Variants in CDH12 observed in about 807,000 individuals in gnomAD.
CDH12 encodes the protein cadherin-12.
In CDH12, 41 loss-of-function variants were observed where a neutral mutation model predicts 74.1. The observed-to-expected ratio is 0.55, with a 90% CI of 0.43 to 0.72. The LOEUF is 0.72. Ranked by LOEUF, CDH12 falls within the 30% of genes least tolerant of loss-of-function variation. The probability of loss-of-function intolerance (pLI) is 0.00; values close to 1 mark genes in which losing one functional copy is unlikely to be tolerated. For missense variants in CDH12, 945 were observed against 977.2 expected, an observed-to-expected ratio of 0.97 and a Z score of 0.44; for synonymous variants, 399 against 355.0, an observed-to-expected ratio of 1.12 and a Z score of -1.39.
At chr5:22,486,735 G>A (rs371450225) in intron 2 of CDH12, among the ~76,000 whole-genome samples, 13 of 152,224 alleles carry the variant, frequency 8.5e-5, no homozygotes, top group East Asian at 5.8e-4. Context: ...TTACAGGCAT[G>A]AGCCACTGTG....
chr5:22,410,177 T>A (rs1743116902), intron 2 of CDH12, among the ~76,000 whole-genome samples: 1 of 152,042 alleles, frequency 6.6e-6, no homozygotes, highest in South Asian at 2.1e-4. Flanking sequence ...CCTGCCCTCC[T>A]GTCTCTCAGT....
intron 3 of CDH12, among the ~76,000 whole-genome samples, chr5:22,386,390 C>G (rs1214376662): frequency 6.6e-6 from 1 of 152,188 alleles, no homozygotes; most frequent in Non-Finnish European, 1.5e-5. Context: ...AAATTCTCCC[C>G]TAACTTCTTT....
intron 1 of CDH12, among the ~76,000 whole-genome samples, chr5:22,643,733 CTT>C (rs762944279): frequency 7.2e-4 from 37 of 51,204 alleles, no homozygotes; most frequent in African/African-American, 1.3e-3. Context: ...TTTAAGGTAT[CTT>C]TTTTTTTTTT....
At chr5:22,694,109 T>A (rs984431151) in intron 1 of CDH12, among the ~76,000 whole-genome samples, 8 of 152,072 alleles carry the variant, frequency 5.3e-5, no homozygotes, top group Non-Finnish European at 1.2e-4. Flanking sequence ...CAGCTAATTT[T>A]AAATTTTTTT....
At chr5:22,370,152 C>A (rs575035312) in intron 3 of CDH12, among the ~76,000 whole-genome samples, 68 of 152,202 alleles carry the variant, frequency 4.5e-4, no homozygotes, top group African/African-American at 1.6e-3. Flanking sequence ...ATAAAGTGTG[C>A]TTATATATTG....
At chr5:22,345,279 T>C (rs1322190346) in intron 3 of CDH12, among the ~76,000 whole-genome samples, 1 of 152,198 alleles carries the variant, frequency 6.6e-6, no homozygotes, top group African/African-American at 2.4e-5. Context: ...CTACAGTTCT[T>C]TTTTACAGAA....
chr5:22,307,943 C>T (rs376521194), intron 3 of CDH12, among the ~76,000 whole-genome samples: 1,321 of 128,744 alleles, frequency 0.01, 22 homozygotes, highest in African/African-American at 0.036. Flanking sequence ...TGCAGTGGCG[C>T]GATCTCGGCT....
At chr5:22,115,912 G>C (rs1051348211) in intron 4 of CDH12, among the ~76,000 whole-genome samples, 1 of 151,912 alleles carries the variant, frequency 6.6e-6, no homozygotes, top group South Asian at 2.1e-4. Context: ...GGATGGTCTC[G>C]ATCTCTTGAC....
chr5:21,781,407 C>A (rs117932978), intron 11 of CDH12, among the ~76,000 whole-genome samples: 1 of 152,208 alleles, frequency 6.6e-6, no homozygotes, highest in African/African-American at 2.4e-5. Context: ...GTCTTTACTG[C>A]CATTCCATTT....
intron 2 of CDH12, among the ~76,000 whole-genome samples, chr5:22,483,770 A>ATATATATATATATATAT (rs1400461763): frequency 2.4e-3 from 239 of 100,928 alleles, no homozygotes; most frequent in Non-Finnish European, 2.9e-3. Flanking sequence ...ATATAAATTT[A>ATATATATATATATATAT]ATTAATTGGG....
chr5:22,846,622 A>G (rs1318723476), intron 1 of CDH12, among the ~76,000 whole-genome samples: 1 of 152,212 alleles, frequency 6.6e-6, no homozygotes, highest in Non-Finnish European at 1.5e-5. Flanking sequence ...TTGAATTTTG[A>G]TGGATACTGT....
intron 8 of CDH12, among the ~76,000 whole-genome samples, chr5:21,829,855 T>C (rs1748903804): frequency 6.6e-6 from 1 of 152,162 alleles, no homozygotes; most frequent in Admixed American, 6.5e-5. Flanking sequence ...TGGCTAAGTA[T>C]ATCCATTCTC....
Position 22,303,325 on chromosome 5 carries a change from T to C in CDH12, c.-332-90682A>G, listed in dbSNP as rs185004960. Among the ~76,000 whole-genome samples, 418 of 152,236 alleles carry C rather than the reference T, an allele frequency of 2.7e-3. 3 individuals carry two copies. Among genetic ancestry groups the C allele is most frequent in the Non-Finnish European group, 4.0e-3 (272 of 67,968 alleles). ...AATAAAAACATGTCACATTAGTTTA[T>C]TGTTTAGGTTTAAATTAAATAGCTT... On this transcript the variant is annotated intron_variant, in intron 3 of 14. Coordinates refer to ENST00000382254, the MANE Select transcript of CDH12 (RefSeq NM_004061.5).
chr5:21,880,591 CCTTCCTTCCTTCCTT>C (rs1561268178), intron 6 of CDH12, among the ~76,000 whole-genome samples: 4 of 52,512 alleles, frequency 7.6e-5, no homozygotes, highest in Admixed American at 2.5e-4. Flanking sequence ...TTCCTTCCTT[CCTTCCTTCCTTCCTT>C]CCTTCCTTCC....
chr5:22,364,947 C>T (rs1261811812), intron 3 of CDH12, among the ~76,000 whole-genome samples: 3 of 152,114 alleles, frequency 2.0e-5, no homozygotes, highest in Non-Finnish European at 2.9e-5. Context: ...AGAAAGACAG[C>T]AACAATAGAA....
At chr5:22,513,024 G>A (rs936644496) in intron 1 of CDH12, among the ~76,000 whole-genome samples, 5 of 152,154 alleles carry the variant, frequency 3.3e-5, no homozygotes, top group African/African-American at 1.2e-4. Context: ...ACAACAGGGC[G>A]AGACGCTGTC....
intron 11 of CDH12, among the ~76,000 whole-genome samples, chr5:21,767,088 T>C (rs1318315135): frequency 6.6e-6 from 1 of 151,890 alleles, no homozygotes; most frequent in Non-Finnish European, 1.5e-5. Context: ...TTTATAAAGT[T>C]TAGTAAATGA....
At chr5:22,654,054 C>T in intron 1 of CDH12, among the ~76,000 whole-genome samples, 1 of 146,962 alleles carries the variant, frequency 6.8e-6, no homozygotes, top group East Asian at 2.1e-4. Context: ...TTCCTTCCTT[C>T]CCTGTCCTTC....
chr5:22,244,784 GAAAGAA>G (rs1264260893), intron 3 of CDH12, among the ~76,000 whole-genome samples: 5 of 123,162 alleles, frequency 4.1e-5, no homozygotes, highest in Non-Finnish European at 5.5e-5. Flanking sequence ...AAGAAAGAAA[GAAAGAA>G]AGAAAGAAAG....
Sources: gnomAD v4.1 joint callset for allele counts (sites outside exome capture counted in the v4.1 genomes callset) on GRCh38, gnomAD v4.1.1 for gene constraint, MANE v1.5 for transcripts, NCBI Gene and HGNC (gene_info 2026-07-23, HGNC 2026-07-21) for gene names.